Variants in PDE3B observed in about 807,000 individuals in gnomAD.
The protein encoded by PDE3B is cGMP-inhibited 3',5'-cyclic phosphodiesterase 3B.
Under a neutral mutation model 116.8 loss-of-function variants are expected in PDE3B, and 66 were observed. The ratio of observed to expected loss-of-function variants is 0.56; its 90% CI spans 0.46 to 0.69. PDE3B has a LOEUF of 0.69. Ranked by LOEUF, PDE3B falls within the 30% of genes least tolerant of loss-of-function variation. The pLI is 0.00. For missense variants in PDE3B, 1,384 were observed against 1,368.1 expected (o/e 1.01, Z -0.18); for synonymous variants, 595 against 533.6 (o/e 1.12, Z -1.59).
intron 1 of PDE3B, among the ~76,000 whole-genome samples, chr11:14,747,473 G>T (rs1325456370): frequency 2.6e-5 from 4 of 152,206 alleles, no homozygotes; most frequent in Admixed American, 1.3e-4. Flanking sequence ...AAGAGTAAGT[G>T]CTGTCATGTC....
chr11:14,869,846 A>G lies in PDE3B; in HGVS notation c.*186A>G, dbSNP rs1159182240. Reference sequence around the variant, plus strand: ...CCCACTCCTATGCACTTTCACAGGAACTAGAAAACTATTCTTAAACCAAAA... The same window carrying G: ...CCCACTCCTATGCACTTTCACAGGAGCTAGAAAACTATTCTTAAACCAAAA... On this transcript the variant is annotated 3_prime_UTR_variant, in exon 16 of 16. Transcript: ENST00000282096. 2 of 531,360 alleles carry G rather than the reference A, an allele frequency of 3.8e-6. No individual in the cohort carries two copies. Among genetic ancestry groups the G allele is most frequent in the Non-Finnish European group, 3.3e-6 (1 of 303,156 alleles). The allele number at this position is 531,360 out of a possible 1,614,324, so 32.9% of individuals were successfully genotyped here.
intron 7 of PDE3B, among the ~76,000 whole-genome samples, chr11:14,821,796 G>A (rs1419419987): frequency 6.6e-6 from 1 of 151,746 alleles, no homozygotes; most frequent in African/African-American, 2.4e-5. Flanking sequence ...TTGTAAGATG[G>A]GTATTATTAT....
chr11:14,667,353 G>A (rs1031102192), intron 1 of PDE3B, among the ~76,000 whole-genome samples: 13 of 151,414 alleles, frequency 8.6e-5, no homozygotes, highest in African/African-American at 3.2e-4. Context: ...GTTAATGAGT[G>A]CAGCACACCA....
chr11:14,869,744 C>T lies in PDE3B; in HGVS notation c.*84C>T, dbSNP rs924273382. The T allele has an allele frequency of 2.4e-5, 26 of 1,097,666 alleles. No individual in the cohort carries two copies. The South Asian group carries it at 2.7e-4, about 11-fold the overall frequency. 68.0% of individuals were successfully genotyped at this position (1,097,666 alleles called of 1,614,324 possible). ...GCAGAAATCATTGCCTAGTGTTCAC[C>T]GGCTGACTCTCAACTGACCATTCCC... On this transcript the variant is annotated 3_prime_UTR_variant, in exon 16 of 16. Transcript: ENST00000282096.
chr11:14,715,202 C>G (rs1855840358), intron 1 of PDE3B, among the ~76,000 whole-genome samples: 1 of 152,122 alleles, frequency 6.6e-6, no homozygotes, highest in Non-Finnish European at 1.5e-5. Context: ...GTGATGCCTC[C>G]AGCTTTTTTC....
Position 14,736,054 on chromosome 11 carries a change from A to T in PDE3B, c.979-35883A>T, listed in dbSNP as rs1349764909. On this transcript the variant is annotated intron_variant, in intron 1 of 15. Coordinates refer to ENST00000282096, the MANE Select transcript of PDE3B (RefSeq NM_000922.4). ...TGAAGGAAGATAGTAGAAGACAAGTAATCTAGTTTTACCTGTGCTCTTCTC... is the reference window on the plus strand; with the variant it reads ...TGAAGGAAGATAGTAGAAGACAAGTTATCTAGTTTTACCTGTGCTCTTCTC... 2.0e-5 allele frequency among the ~76,000 whole-genome samples: 3 copies of T among 151,692 alleles called. 1 individual carries two copies. The East Asian group carries it at 5.8e-4, about 29-fold the overall frequency.
intron 1 of PDE3B, among the ~76,000 whole-genome samples, chr11:14,669,384 A>G (rs1435348055): frequency 6.6e-6 from 1 of 152,128 alleles, no homozygotes; most frequent in Admixed American, 6.5e-5. Flanking sequence ...GGATATAAAC[A>G]AGAGTCTCCT....
Position 14,844,318 on chromosome 11 carries a change from A to G in PDE3B, c.2520+292A>G, listed in dbSNP as rs564292816. ...ATTTTTGTCTTTAATCAAACCAGCA[A>G]AACTCTGACTGTATTTAAGATTTCT... On this transcript the variant is annotated intron_variant, in intron 12 of 15. Coordinates refer to ENST00000282096, the MANE Select transcript of PDE3B (RefSeq NM_000922.4). Among the ~76,000 whole-genome samples the G allele has an allele frequency of 5.3e-4, 80 of 152,328 alleles. 1 individual carries two copies. The highest frequency in any genetic ancestry group is 1.9e-3 in the African/African-American group (79 of 41,574).
At chr11:14,709,345 T>A (rs1265494144) in intron 1 of PDE3B, among the ~76,000 whole-genome samples, 1 of 152,172 alleles carries the variant, frequency 6.6e-6, no homozygotes, top group Non-Finnish European at 1.5e-5. Flanking sequence ...GTGCACATTT[T>A]TTTTCACATT....
At chr11:14,849,138 G>C (rs1377733072) in intron 12 of PDE3B, among the ~76,000 whole-genome samples, 3 of 152,074 alleles carry the variant, frequency 2.0e-5, no homozygotes, top group Admixed American at 2.0e-4. Flanking sequence ...CCAAAACAGA[G>C]ATATAGATCA....
At chr11:14,695,729 C>T (rs1855187630) in intron 1 of PDE3B, among the ~76,000 whole-genome samples, 1 of 152,076 alleles carries the variant, frequency 6.6e-6, no homozygotes, top group Admixed American at 6.5e-5. Flanking sequence ...CATGTGTTCT[C>T]ACTGTTTGGC....
intron 4 of PDE3B, among the ~76,000 whole-genome samples, chr11:14,793,879 C>G (rs1018413770): frequency 6.6e-6 from 1 of 152,218 alleles, no homozygotes; most frequent in Admixed American, 6.5e-5. Flanking sequence ...TATTAGCAAA[C>G]TTGACCCTAT....
intron 4 of PDE3B, among the ~76,000 whole-genome samples, chr11:14,796,877 A>G (rs1057451595): frequency 1.3e-5 from 2 of 152,150 alleles, no homozygotes; most frequent in African/African-American, 4.8e-5. Context: ...ATTAGATCGC[A>G]TTGGTCAATG....
the PDE3B span, among the ~76,000 whole-genome samples, chr11:14,898,724 C>A: frequency 6.6e-6 from 1 of 151,810 alleles, no homozygotes; most frequent in Non-Finnish European, 1.5e-5. Flanking sequence ...TTTTTCTTTT[C>A]TTTTCTTTTT....
the PDE3B span, chr11:14,890,335 A>G: frequency 9.7e-6 from 3 of 310,840 alleles, no homozygotes; most frequent in Non-Finnish European, 9.4e-6. Context: ...GTACCAAGAT[A>G]CCAAAGAGAT....
rs554598559 is a variant in PDE3B at position 14,845,062 on chromosome 11, C to T, written c.2520+1036C>T. ...AAGTGGGTCCCTGACCCCTGACCCCCGAGCAGCCTAACTGGGAGGCACCCC... is the reference window on the plus strand; with the variant it reads ...AAGTGGGTCCCTGACCCCTGACCCCTGAGCAGCCTAACTGGGAGGCACCCC... On this transcript the variant is annotated intron_variant, in intron 12 of 15. Transcript: ENST00000282096. Among the ~76,000 whole-genome samples the T allele has an allele frequency of 2.6e-3, 401 of 152,238 alleles. 4 individuals carry two copies. The Middle Eastern group carries it at 0.027, about 10-fold the overall frequency.
chr11:14,892,377 C>A, the PDE3B span: 2 of 656,548 alleles, frequency 3.0e-6, no homozygotes, highest in Non-Finnish European at 5.2e-6. Context: ...TCTAGTTTTG[C>A]GCGGCTGAGA....
At chr11:14,826,262 C>G (rs1859681886) in intron 7 of PDE3B, among the ~76,000 whole-genome samples, 1 of 147,036 alleles carries the variant, frequency 6.8e-6, no homozygotes, top group African/African-American at 2.7e-5. Context: ...CAAGAAATAG[C>G]CAAAATCAGA....
At chr11:14,844,704 G>C (rs964674162) in intron 12 of PDE3B, among the ~76,000 whole-genome samples, 1 of 152,214 alleles carries the variant, frequency 6.6e-6, no homozygotes, top group Non-Finnish European at 1.5e-5. Flanking sequence ...TGGCTCGGAG[G>C]GTCCTATGGC....
Sources: allele counts gnomAD v4.1 joint callset (sites outside exome capture counted in the v4.1 genomes callset), GRCh38; gene constraint gnomAD v4.1.1; transcripts MANE v1.5; gene names NCBI Gene and HGNC (gene_info 2026-07-23, HGNC 2026-07-21).